POU2AF2: variants seen among roughly 807,000 people sequenced by gnomAD.
POU2AF2 encodes POU domain class 2-associating factor 2.
chr11:111,267,826 G>A, the POU2AF2 span, among the ~76,000 whole-genome samples: 1 of 152,156 alleles, frequency 6.6e-6, no homozygotes, highest in Admixed American at 6.5e-5. Context: ...TAAGGAAAGG[G>A]GAGAATACTT....
chr11:111,265,521 T>C, the POU2AF2 span, among the ~76,000 whole-genome samples: 1 of 152,146 alleles, frequency 6.6e-6, no homozygotes, highest in Non-Finnish European at 1.5e-5. Flanking sequence ...TTTCCTCCTA[T>C]GTAAATGGGA....
the POU2AF2 span, among the ~76,000 whole-genome samples, chr11:111,276,439 G>GAAAAAAAAAAAAAAAAAAAA: frequency 2.0e-4 from 9 of 44,434 alleles, no homozygotes; most frequent in African/African-American, 8.4e-4. Context: ...CTACTAAAAA[G>GAAAAAAAAAAAAAAAAAAAA]AAAAAAAAAA....
At chr11:111,257,525 C>T in the POU2AF2 span, among the ~76,000 whole-genome samples, 7 of 152,130 alleles carry the variant, frequency 4.6e-5, no homozygotes, top group Admixed American at 2.6e-4. Flanking sequence ...CCTGCCACCA[C>T]GCCCCACTAA....
chr11:111,246,071 ATTGT>A, the POU2AF2 span, among the ~76,000 whole-genome samples: 1 of 152,182 alleles, frequency 6.6e-6, no homozygotes, highest in Non-Finnish European at 1.5e-5. Context: ...TTAATTACTA[ATTGT>A]TTGATTTTGT....
the POU2AF2 span, among the ~76,000 whole-genome samples, chr11:111,264,558 AAGAAAGAAAGAAAGAAAGGGAG>A: frequency 4.9e-3 from 271 of 54,978 alleles, 22 homozygotes; most frequent in Admixed American, 7.8e-3. Flanking sequence ...GAAAGAAAGA[AAGAAAGAAAGAAAGAAAGGGAG>A]AGAGAAAGAC....
chr11:111,259,309 CTTTTT>C, the POU2AF2 span, among the ~76,000 whole-genome samples: 2 of 129,978 alleles, frequency 1.5e-5, no homozygotes. Flanking sequence ...TTCCACATTC[CTTTTT>C]TTTTTTTTTT....
At chr11:111,280,168 T>C in the POU2AF2 span, among the ~76,000 whole-genome samples, 8,529 of 151,224 alleles carry the variant, frequency 0.056, 771 homozygotes, top group African/African-American at 0.19. Flanking sequence ...AGATTGTGTC[T>C]TCATTCCACA....
chr11:111,281,777 C>T, the POU2AF2 span, among the ~76,000 whole-genome samples: 4 of 152,150 alleles, frequency 2.6e-5, no homozygotes, highest in African/African-American at 9.7e-5. Flanking sequence ...AAGCCGTCTG[C>T]GAGCAGAGGG....
the POU2AF2 span, chr11:111,286,064 CA>C: frequency 6.2e-7 from 1 of 1,602,060 alleles, no homozygotes; most frequent in South Asian, 1.1e-5. Context: ...AGGGGAGGGC[CA>C]AATGACTTCT....
the POU2AF2 span, among the ~76,000 whole-genome samples, chr11:111,250,100 C>A: frequency 6.6e-6 from 1 of 152,064 alleles, no homozygotes; most frequent in Admixed American, 6.5e-5. Context: ...TTAAAAACTG[C>A]ATTCTTCTTC....
the POU2AF2 span, among the ~76,000 whole-genome samples, chr11:111,264,613 A>ACAGAAAG: frequency 1.7e-5 from 2 of 114,798 alleles, no homozygotes; most frequent in African/African-American, 6.0e-5. Context: ...GAGACGAAAG[A>ACAGAAAG]AAGAAAGAGA....
At chr11:111,258,072 C>T in the POU2AF2 span, among the ~76,000 whole-genome samples, 23 of 151,990 alleles carry the variant, frequency 1.5e-4, no homozygotes, top group African/African-American at 5.3e-4. Flanking sequence ...GATCTGAGTT[C>T]GTGACACTGC....
chr11:111,258,114 T>A, the POU2AF2 span, among the ~76,000 whole-genome samples: 1 of 152,038 alleles, frequency 6.6e-6, no homozygotes, highest in Non-Finnish European at 1.5e-5. Context: ...TGAGACTCTG[T>A]CTCAAAAAAT....
chr11:111,285,553 G>C, the POU2AF2 span: 2 of 1,296,376 alleles, frequency 1.5e-6, no homozygotes, highest in Non-Finnish European at 2.1e-6. Context: ...AGCAGAGAGA[G>C]GGGACGAAGG....
chr11:111,281,018 C>T, the POU2AF2 span, among the ~76,000 whole-genome samples: 1 of 152,136 alleles, frequency 6.6e-6, no homozygotes, highest in African/African-American at 2.4e-5. Flanking sequence ...GTTTTAGGAA[C>T]CCACTGGGGA....
At chr11:111,277,329 G>A in the POU2AF2 span, among the ~76,000 whole-genome samples, 1 of 152,296 alleles carries the variant, frequency 6.6e-6, no homozygotes, top group South Asian at 2.1e-4. Flanking sequence ...TCTTTGTAGA[G>A]TCTTCTGGTA....
the POU2AF2 span, among the ~76,000 whole-genome samples, chr11:111,264,659 AAGAG>A: frequency 5.3e-5 from 8 of 150,926 alleles, no homozygotes; most frequent in East Asian, 1.4e-3. Flanking sequence ...AAGAAAAAGA[AAGAG>A]GGAGGGAGGA....
At chr11:111,269,656 C>G in the POU2AF2 span, among the ~76,000 whole-genome samples, 1 of 152,134 alleles carries the variant, frequency 6.6e-6, no homozygotes, top group Non-Finnish European at 1.5e-5. Flanking sequence ...AGATTCTGTT[C>G]TGACCAAAGT....
At chr11:111,258,771 T>TA in the POU2AF2 span, among the ~76,000 whole-genome samples, 1 of 152,250 alleles carries the variant, frequency 6.6e-6, no homozygotes. Flanking sequence ...TCATTTTTTT[T>TA]ACAAGCTCCT....
Sources: gnomAD v4.1 joint callset for allele counts (sites outside exome capture counted in the v4.1 genomes callset) on GRCh38, gnomAD v4.1.1 for gene constraint, MANE v1.5 for transcripts, NCBI Gene and HGNC (gene_info 2026-07-23, HGNC 2026-07-21) for gene names.